Variants in CAMK2D observed in about 807,000 individuals in gnomAD.
CAMK2D encodes the protein calcium/calmodulin dependent protein kinase II delta.
A neutral mutation model predicts 84.0 loss-of-function variants in CAMK2D; 37 were observed. The ratio of observed to expected loss-of-function variants is 0.44; its 90% CI spans 0.34 to 0.58. The LOEUF is 0.58. CAMK2D is among the 20% of genes least tolerant of loss of function. CAMK2D has a pLI of 0.02. For missense variants in CAMK2D, 448 were observed against 652.5 expected (o/e 0.69, Z 3.41); for synonymous variants, 202 against 212.5 (o/e 0.95, Z 0.43).
intron 4 of CAMK2D, among the ~76,000 whole-genome samples, chr4:113,592,645 T>G (rs1275036233): frequency 6.6e-6 from 1 of 152,166 alleles, no homozygotes; most frequent in Non-Finnish European, 1.5e-5. Context: ...TTTTTTTTTC[T>G]GAGAAATATC....
chr4:113,549,557 G>A (rs1185856879), intron 5 of CAMK2D, among the ~76,000 whole-genome samples: 2 of 152,170 alleles, frequency 1.3e-5, no homozygotes, highest in Admixed American at 6.5e-5. Context: ...AATTAGAGAG[G>A]AGAAATCCTT....
In CAMK2D at chr4:113,469,997, A is replaced by T. The variant is rs188311008; in HGVS notation, c.1136-4393T>A. 5.3e-5 allele frequency among the ~76,000 whole-genome samples: 8 copies of T among 152,182 alleles called. No individual in the cohort carries two copies. The East Asian group carries it at 1.5e-3, about 29-fold the overall frequency. The stretch of plus-strand genomic sequence containing the variant: ...GCTCTTCACTATTCTGTTCTCTACA[A>T]TGCAACCACCTCTCTCTCTCTCTTT... On this transcript the variant is annotated intron_variant, in intron 16 of 20. Coordinates refer to ENST00000511664, the MANE Select transcript of CAMK2D (RefSeq NM_001321571.2).
chr4:113,599,828 G>A (rs1591744134), intron 4 of CAMK2D, among the ~76,000 whole-genome samples: 1 of 152,164 alleles, frequency 6.6e-6, no homozygotes, highest in Admixed American at 6.6e-5. Flanking sequence ...GTGAAAGTGG[G>A]TCATCATAAA....
chr4:113,523,857 TTTTTG>T (rs2098394806), intron 8 of CAMK2D, among the ~76,000 whole-genome samples: 1 of 152,012 alleles, frequency 6.6e-6, no homozygotes, highest in Non-Finnish European at 1.5e-5. Flanking sequence ...TTTTGTTGTT[TTTTTG>T]TTTTGTTTTG....
intron 16 of CAMK2D, among the ~76,000 whole-genome samples, chr4:113,494,167 G>C (rs1219548607): frequency 6.6e-6 from 1 of 152,234 alleles, no homozygotes; most frequent in African/African-American, 2.4e-5. Flanking sequence ...ATCCAGCTTT[G>C]TTCCGTTGCT....
At chr4:113,712,400 G>A (rs1310255032) in intron 2 of CAMK2D, among the ~76,000 whole-genome samples, 3 of 152,110 alleles carry the variant, frequency 2.0e-5, no homozygotes, top group South Asian at 2.1e-4. Context: ...GGGAAATAGT[G>A]TTTCCCAAGC....
intron 4 of CAMK2D, among the ~76,000 whole-genome samples, chr4:113,582,823 G>C (rs2098816915): frequency 6.6e-6 from 1 of 152,228 alleles, no homozygotes; most frequent in Non-Finnish European, 1.5e-5. Context: ...GACAGTATCT[G>C]AATTTAGACC....
intron 4 of CAMK2D, among the ~76,000 whole-genome samples, chr4:113,577,758 T>C (rs1190799741): frequency 3.8e-5 from 1 of 26,430 alleles, no homozygotes; most frequent in African/African-American, 9.8e-5. Context: ...CGTATACTAT[T>C]TTTTTTTTTT....
At chr4:113,621,697 G>A (rs2099047050) in intron 3 of CAMK2D, among the ~76,000 whole-genome samples, 1 of 152,056 alleles carries the variant, frequency 6.6e-6, no homozygotes, top group Admixed American at 6.6e-5. Flanking sequence ...TATTTGCTGG[G>A]GATATAACTG....
In CAMK2D at chr4:113,531,616, TG is replaced by T. The variant is rs567243797; in HGVS notation, c.518-318del. Among the ~76,000 whole-genome samples the T allele has an allele frequency of 7.5e-3, 1,139 of 152,294 alleles. 16 individuals are homozygous for T. Among genetic ancestry groups the T allele is most frequent in the African/African-American group, 0.026 (1,080 of 41,548 alleles). On this transcript the variant is annotated intron_variant, in intron 7 of 20. Coordinates refer to ENST00000511664, the MANE Select transcript of CAMK2D (RefSeq NM_001321571.2). Reference sequence around the variant, plus strand: ...CAATTCTTATTGTCCTTTATGTATATGGGAGTTAAAACTACACCTGAAAAGA... The same window carrying T: ...CAATTCTTATTGTCCTTTATGTATATGGAGTTAAAACTACACCTGAAAAGA...
intron 16 of CAMK2D, among the ~76,000 whole-genome samples, chr4:113,493,162 T>G (rs2097868142): frequency 6.6e-6 from 1 of 150,822 alleles, no homozygotes. Context: ...AATATTGTTA[T>G]GTGTGAATTT....
chr4:113,517,043 T>G (rs1488164062), intron 9 of CAMK2D, among the ~76,000 whole-genome samples: 1 of 151,836 alleles, frequency 6.6e-6, no homozygotes, highest in African/African-American at 2.4e-5. Context: ...ATTAGAATTA[T>G]GATTTTCAAA....
chr4:113,553,441 T>C (rs909722453), intron 4 of CAMK2D, among the ~76,000 whole-genome samples: 1 of 152,246 alleles, frequency 6.6e-6, no homozygotes, highest in Non-Finnish European at 1.5e-5. Context: ...AGTTTTTCTT[T>C]TTGTTCACTT....
rs147956834 is a variant in CAMK2D at position 113,627,319 on chromosome 4, G to C, written c.221-18113C>G. Among the ~76,000 whole-genome samples, 91 of 152,124 alleles carry C rather than the reference G, an allele frequency of 6.0e-4. 1 individual carries two copies. The highest frequency in any genetic ancestry group is 3.4e-3 in the Middle Eastern group (1 of 294). ...AATAAATTTTGGACTTCTTAATACA[G>C]GTGATTCTTATTATCTGCAGTAGTT... On this transcript the variant is annotated intron_variant, in intron 3 of 20. Coordinates refer to ENST00000511664, the MANE Select transcript of CAMK2D (RefSeq NM_001321571.2).
chr4:113,600,046 T>C (rs2098945194), intron 4 of CAMK2D, among the ~76,000 whole-genome samples: 1 of 152,178 alleles, frequency 6.6e-6, no homozygotes, highest in Non-Finnish European at 1.5e-5. Flanking sequence ...TAAAAGGTTA[T>C]ATACTGTATG....
chr4:113,743,846 C>CTTT (rs559506222), intron 2 of CAMK2D, among the ~76,000 whole-genome samples: 2 of 147,348 alleles, frequency 1.4e-5, no homozygotes, highest in African/African-American at 4.9e-5. Context: ...ATCTTCCCTA[C>CTTT]TTTTTTTTTT....
intron 4 of CAMK2D, among the ~76,000 whole-genome samples, chr4:113,552,600 ATTAAG>A (rs574577444): frequency 3.4e-4 from 52 of 152,346 alleles, no homozygotes; most frequent in African/African-American, 1.1e-3. Flanking sequence ...TATGTAAATA[ATTAAG>A]TTAATTGTAT....
chr4:113,726,295 A>G (rs2099545581), intron 2 of CAMK2D, among the ~76,000 whole-genome samples: 1 of 150,764 alleles, frequency 6.6e-6, no homozygotes, highest in African/African-American at 2.4e-5. Context: ...TTTCCCCTAG[A>G]CTTAGAAAAT....
At chr4:113,521,594 G>A (rs2098359909) in intron 8 of CAMK2D, among the ~76,000 whole-genome samples, 1 of 152,116 alleles carries the variant, frequency 6.6e-6, no homozygotes, top group South Asian at 2.1e-4. Context: ...TAAGGAGACA[G>A]AAGAGAGAAT....
Sources: gnomAD v4.1 joint callset for allele counts (sites outside exome capture counted in the v4.1 genomes callset) on GRCh38, gnomAD v4.1.1 for gene constraint, MANE v1.5 for transcripts, NCBI Gene and HGNC (gene_info 2026-07-23, HGNC 2026-07-21) for gene names.